Variants in RTN3 observed in about 807,000 individuals in gnomAD.
RTN3 encodes reticulon 3.
RTN3 carries 49 observed loss-of-function variants against 77.8 expected under a neutral mutation model. The ratio of observed to expected loss-of-function variants is 0.63; its 90% CI spans 0.50 to 0.80. The LOEUF (loss-of-function observed/expected upper bound fraction) is 0.80, where lower values mean the gene tolerates loss of function less well. RTN3 is among the 30% of genes least tolerant of loss of function. The pLI, the probability that RTN3 is intolerant of heterozygous loss-of-function variation, is 0.00. For missense variants in RTN3, 1,236 were observed against 1,211.9 expected (o/e 1.02, Z -0.29); for synonymous variants, 464 against 446.9 (o/e 1.04, Z -0.48).
In RTN3 at chr11:63,734,734, AACACACACACACAC is replaced by A. The variant is rs754454322; in HGVS notation, c.2530+13737_2530+13750del. 1.6e-3 allele frequency among the ~76,000 whole-genome samples: 130 copies of A among 81,316 alleles called. No homozygotes were observed. In the Middle Eastern group the frequency reaches 0.022, roughly 13 times the overall value. The allele number at this position is 81,316 out of a possible 152,430, so 53.3% of individuals were successfully genotyped here. ...GTGATAGAGGGAGACTCTGTCTCAA[AACACACACACACAC>A]ACACACACACACACACACACACACA... On this transcript the variant is annotated intron_variant, in intron 3 of 8. Transcript: ENST00000377819.
intron 1 of RTN3, among the ~76,000 whole-genome samples, chr11:63,703,144 A>C (rs1246944426): frequency 6.6e-6 from 1 of 152,234 alleles, no homozygotes; most frequent in Admixed American, 6.5e-5. Context: ...TTTAAAAACA[A>C]TACAGTGTAA....
chr11:63,705,007 C>A, intron 2 of RTN3, 100 bp downstream of exon 2: 1 of 881,668 alleles, frequency 1.1e-6, no homozygotes, highest in South Asian at 1.4e-5. Flanking sequence ...TGCCCCAAAT[C>A]CCCTAAAATA....
At position 63,704,919 on chromosome 11, in the gene RTN3, A is replaced by AT. The variant is rs767816984; in HGVS notation, c.199+19dup. 2.5e-6 allele frequency: 4 copies of AT among 1,602,688 alleles called. No homozygotes were observed. The highest frequency in any genetic ancestry group is 2.2e-5 in the East Asian group (1 of 44,798). ...TTCGACCTCACAAGGCAAGTCTGTAATTTTTTTGTGTGCATTGGTAAAAGA... is the reference window on the plus strand; with the variant it reads ...TTCGACCTCACAAGGCAAGTCTGTAATTTTTTTTGTGTGCATTGGTAAAAGA... On this transcript the variant is annotated intron_variant, in intron 2 of 8. Coordinates refer to ENST00000377819, the MANE Select transcript of RTN3 (RefSeq NM_001265589.2).
intron 1 of RTN3, among the ~76,000 whole-genome samples, chr11:63,689,625 A>G (rs776779777): frequency 2.6e-5 from 4 of 151,646 alleles, no homozygotes; most frequent in African/African-American, 7.3e-5. Context: ...TCAAATAACT[A>G]TTCTTACCTG....
At chr11:63,751,471 C>T (rs1186042059) in intron 4 of RTN3, among the ~76,000 whole-genome samples, 1 of 152,156 alleles carries the variant, frequency 6.6e-6, no homozygotes, top group Non-Finnish European at 1.5e-5. Context: ...GTAACTTTAA[C>T]TAATGTTTTC....
At chr11:63,727,145 A>G (rs768929284) in intron 3 of RTN3, among the ~76,000 whole-genome samples, 7 of 152,196 alleles carry the variant, frequency 4.6e-5, no homozygotes, top group Non-Finnish European at 8.8e-5. Context: ...GTAAGACTCT[A>G]TCTTGAAAAA....
intron 2 of RTN3, chr11:63,714,181 C>G (rs1044090171): frequency 4.0e-5 from 14 of 353,070 alleles, no homozygotes; most frequent in African/African-American, 2.8e-4. Context: ...AGGGTTTCAG[C>G]TAGCCAAAAA....
At chr11:63,728,621 GGCTCA>G (rs1200150517) in intron 3 of RTN3, among the ~76,000 whole-genome samples, 1 of 152,166 alleles carries the variant, frequency 6.6e-6, no homozygotes, top group East Asian at 1.9e-4. Flanking sequence ...TGGGCGCGGT[GGCTCA>G]CGCCTGTAAT....
In RTN3 at chr11:63,731,091, A is replaced by T. The variant is rs556156; in HGVS notation, c.2530+10059A>T. ...TTTCAAAGGATTTTTTTTTTTATTT[A>T]TTTATTGGAGACACAGTTTCACTCT... On this transcript the variant is annotated intron_variant, in intron 3 of 8. Transcript: ENST00000377819. 6.4e-3 allele frequency among the ~76,000 whole-genome samples: 975 copies of T among 151,192 alleles called. 11 individuals are homozygous for T. Among genetic ancestry groups the T allele is most frequent in the African/African-American group, 0.022 (925 of 41,194 alleles).
chr11:63,712,610 C>T (rs1056590413), intron 2 of RTN3, among the ~76,000 whole-genome samples: 1 of 151,358 alleles, frequency 6.6e-6, no homozygotes, highest in African/African-American at 2.4e-5. Flanking sequence ...CTCAGTCTCC[C>T]GAGTAGCTGG....
intron 1 of RTN3, among the ~76,000 whole-genome samples, chr11:63,697,662 G>A (rs1942033593): frequency 6.6e-6 from 1 of 151,936 alleles, no homozygotes; most frequent in Non-Finnish European, 1.5e-5. Context: ...TTTTAGTAGA[G>A]ACAGGGTTTC....
At chr11:63,705,370 C>T (rs1055920454) in intron 2 of RTN3, among the ~76,000 whole-genome samples, 1 of 152,152 alleles carries the variant, frequency 6.6e-6, no homozygotes, top group Non-Finnish European at 1.5e-5. Context: ...GTCCCAGCTA[C>T]TCAGGAGGCT....
At chr11:63,704,161 C>T (rs1942382661) in intron 1 of RTN3, among the ~76,000 whole-genome samples, 1 of 151,802 alleles carries the variant, frequency 6.6e-6, no homozygotes. Context: ...CACTGCCACG[C>T]CTGGCTAATT....
intron 3 of RTN3, among the ~76,000 whole-genome samples, chr11:63,748,599 C>G (rs867822223): frequency 1.3e-5 from 2 of 150,804 alleles, no homozygotes; most frequent in South Asian, 4.2e-4. Context: ...ATCCACCAGC[C>G]TCGGACTCCC....
At chr11:63,752,397 A>G in intron 4 of RTN3, 110 bp from the exon 5 acceptor site, 3 of 1,003,060 alleles carry the variant, frequency 3.0e-6, no homozygotes, top group South Asian at 3.0e-5. Flanking sequence ...AAATGCTCCT[A>G]CAGGTTCTAA....
In RTN3 at chr11:63,743,049, T is replaced by TTATTG. The variant is rs2013580988; in HGVS notation, c.2531-6938_2531-6937insGTATT. 2.0e-5 allele frequency among the ~76,000 whole-genome samples: 3 copies of TTATTG among 152,132 alleles called. No individual in the cohort carries two copies. In the South Asian group the frequency reaches 6.2e-4, roughly 32 times the overall value. On this transcript the variant is annotated intron_variant, in intron 3 of 8. Transcript: ENST00000377819. ...GTGACTGCCACCATGTCTGGCTAAT[T>TTATTG]TATTTTATTTTATTTTATTTTTTGT...
intron 3 of RTN3, among the ~76,000 whole-genome samples, chr11:63,736,924 C>G (rs2013160728): frequency 2.0e-5 from 3 of 151,268 alleles, no homozygotes. Flanking sequence ...AAGTGTTATA[C>G]AAGGCATGTA....
intron 1 of RTN3, among the ~76,000 whole-genome samples, chr11:63,690,146 G>A (rs1285564307): frequency 6.6e-6 from 1 of 152,080 alleles, no homozygotes. Flanking sequence ...CAGAGGGAAC[G>A]GTGAGCTTTT....
Position 63,719,491 on chromosome 11 carries a change from A to C in RTN3, c.989A>C (p.Asn330Thr), listed in dbSNP as rs1590832882. The change falls in exon 3 of 9, where the codon AAT becomes ACT. Residue 330 changes from asparagine to threonine, a missense_variant. Coordinates refer to ENST00000377819, the MANE Select transcript of RTN3 (RefSeq NM_001265589.2). ...AALEEVSRCV[N>T]DMHNFTNEIL... ...CTGGAAGAGGTGTCCAGATGCGTGA[A>C]TGATATGCATAACTTTACTAACGAA... is the stretch of plus-strand genomic sequence containing the variant. 5 of 1,614,088 alleles carry C rather than the reference A, an allele frequency of 3.1e-6. No individual in the cohort carries two copies. The highest frequency in any genetic ancestry group is 4.2e-6 in the Non-Finnish European group (5 of 1,180,022).
Sources: gnomAD v4.1 joint callset for allele counts (sites outside exome capture counted in the v4.1 genomes callset) on GRCh38, gnomAD v4.1.1 for gene constraint, MANE v1.5 for transcripts, NCBI Gene and HGNC (gene_info 2026-07-23, HGNC 2026-07-21) for gene names.